Variants in METTL15 observed in about 807,000 individuals in gnomAD.
The protein encoded by METTL15 is methyltransferase 15, mitochondrial 12S rRNA N4-cytidine, also known as 12S rRNA N(4)-cytidine methyltransferase METTL15.
METTL15 carries 34 observed loss-of-function variants against 38.3 expected under a neutral mutation model. The ratio of observed to expected loss-of-function variants is 0.89; its 90% CI spans 0.68 to 1.18. METTL15 has a LOEUF of 1.18. Among genes scored for constraint, METTL15 ranks in the 50% most tolerant of loss-of-function variants. The pLI, the probability that METTL15 is intolerant of heterozygous loss-of-function variation, is 0.00. For synonymous variants in METTL15, 162 were observed against 170.9 expected (o/e 0.95, Z 0.41); for missense variants, 438 against 498.4 (o/e 0.88, Z 1.15).
intron 3 of METTL15, among the ~76,000 whole-genome samples, chr11:28,188,398 T>C (rs1258786861): frequency 2.6e-5 from 4 of 151,356 alleles, no homozygotes; most frequent in African/African-American, 9.7e-5. Flanking sequence ...TTTAAGAATG[T>C]AAAATGTCAA....
chr11:28,124,673 A>C (rs558570500), intron 3 of METTL15, among the ~76,000 whole-genome samples: 1 of 152,220 alleles, frequency 6.6e-6, no homozygotes, highest in South Asian at 2.1e-4. Flanking sequence ...AAAGGAAAGC[A>C]AAAACTCCAT....
chr11:28,209,897 C>G (rs1235622723), intron 3 of METTL15, among the ~76,000 whole-genome samples: 1 of 151,984 alleles, frequency 6.6e-6, no homozygotes, highest in Non-Finnish European at 1.5e-5. Context: ...ATTTTTAAAT[C>G]TAGCCAGTAG....
chr11:28,360,206 T>C (rs1373868950), intron 4 of METTL15, among the ~76,000 whole-genome samples: 1 of 152,206 alleles, frequency 6.6e-6, no homozygotes, highest in Non-Finnish European at 1.5e-5. Flanking sequence ...CACTTGCCAT[T>C]TGCCTTCTCT....
At chr11:28,202,246 C>A (rs1590149333) in intron 3 of METTL15, among the ~76,000 whole-genome samples, 2 of 151,940 alleles carry the variant, frequency 1.3e-5, no homozygotes, top group Admixed American at 1.3e-4. Flanking sequence ...ATGGTAAAAT[C>A]AACAGGATTT....
intron 3 of METTL15, chr11:28,125,434 A>G (rs776863033): frequency 6.6e-6 from 1 of 152,052 alleles, no homozygotes; most frequent in Non-Finnish European, 1.5e-5. Flanking sequence ...ATGATATTAT[A>G]TCTGAGTTCT....
At position 28,332,307 on chromosome 11, in the gene METTL15, A is replaced by G. The variant is rs1431827405; in HGVS notation, c.*1466A>G. The G allele has an allele frequency of 6.6e-6, 1 of 152,192 alleles. No individual in the cohort carries two copies. Among genetic ancestry groups the G allele is most frequent in the Non-Finnish European group, 1.5e-5 (1 of 68,032 alleles). 9.4% of individuals were successfully genotyped at this position (152,192 alleles called of 1,614,324 possible). On this transcript the variant is annotated 3_prime_UTR_variant, in exon 7 of 7. Transcript: ENST00000407364. ...TTAATTCCCTGAATCCTACTTGAAC[A>G]TTGTATAAATTTCTCTTTGCATATA... is the stretch of plus-strand genomic sequence containing the variant.
At chr11:28,445,824 T>TAC (rs1172813120) in intron 6 of METTL15, among the ~76,000 whole-genome samples, 1 of 151,948 alleles carries the variant, frequency 6.6e-6, no homozygotes, top group Non-Finnish European at 1.5e-5. Flanking sequence ...GCTAATTTTT[T>TAC]ATATTTTTTG....
chr11:28,506,966 A>C (rs1477275754), intron 6 of METTL15, among the ~76,000 whole-genome samples: 4 of 151,910 alleles, frequency 2.6e-5, no homozygotes, highest in Non-Finnish European at 5.9e-5. Flanking sequence ...GCTGGTCTCA[A>C]ACTCCTGACC....
chr11:28,470,720 C>T (rs1851296792), intron 6 of METTL15, among the ~76,000 whole-genome samples: 1 of 152,084 alleles, frequency 6.6e-6, no homozygotes, highest in Non-Finnish European at 1.5e-5. Flanking sequence ...AATGTAAGCA[C>T]TCCCGTTTAA....
chr11:28,189,177 G>A (rs1488415187), intron 3 of METTL15, among the ~76,000 whole-genome samples: 1 of 151,244 alleles, frequency 6.6e-6, no homozygotes, highest in Non-Finnish European at 1.5e-5. Context: ...ATTAAATAGT[G>A]TTAATTCACA....
chr11:28,325,562 T>G lies in METTL15; in HGVS notation c.779-4834T>G, dbSNP rs1590326586. 3.9e-5 allele frequency among the ~76,000 whole-genome samples: 6 copies of G among 152,368 alleles called. No individual in the cohort carries two copies. The South Asian group carries it at 1.2e-3, about 32-fold the overall frequency. ...ATTCATTCATCCATTTTTTTTCATT[T>G]ATCTATTCATTATCTTTTCAACAAA... On this transcript the variant is annotated intron_variant, in intron 6 of 6. Transcript: ENST00000407364.
At chr11:28,206,379 T>G (rs1358405371) in intron 3 of METTL15, among the ~76,000 whole-genome samples, 13 of 152,076 alleles carry the variant, frequency 8.5e-5, no homozygotes, top group Non-Finnish European at 1.2e-4. Flanking sequence ...TTTCCCCATT[T>G]CTTGTTTTTG....
intron 5 of METTL15, among the ~76,000 whole-genome samples, chr11:28,294,894 A>G (rs748380670): frequency 2.0e-5 from 3 of 152,120 alleles, no homozygotes; most frequent in Non-Finnish European, 4.4e-5. Flanking sequence ...ATACTTTTTA[A>G]TTTTCTTATT....
chr11:28,393,313 G>T (rs1850531275), intron 5 of METTL15, among the ~76,000 whole-genome samples: 1 of 151,774 alleles, frequency 6.6e-6, no homozygotes, highest in African/African-American at 2.4e-5. Flanking sequence ...AAGAAAATGT[G>T]GTATATACAT....
chr11:28,463,774 T>C (rs1017400738), intron 6 of METTL15, among the ~76,000 whole-genome samples: 11 of 148,104 alleles, frequency 7.4e-5, no homozygotes, highest in African/African-American at 2.2e-4. Flanking sequence ...TGTGGGTTAC[T>C]AAACTCCACA....
rs779911578 is a variant in METTL15 at position 28,139,901 on chromosome 11, A to G, written c.270+26297A>G. On this transcript the variant is annotated intron_variant, in intron 3 of 6. Transcript: ENST00000407364. ...AGCTCTATGCAAATGGGTTCCTCCA[A>G]CAGGGAGAGAAACTCTTAATCATTG... is the stretch of plus-strand genomic sequence containing the variant. 2.6e-5 allele frequency among the ~76,000 whole-genome samples: 4 copies of G among 152,366 alleles called. No homozygotes were observed. The South Asian group carries it at 6.2e-4, about 24-fold the overall frequency.
intron 6 of METTL15, among the ~76,000 whole-genome samples, chr11:28,478,760 T>C (rs1054129322): frequency 4.6e-5 from 7 of 152,196 alleles, no homozygotes; most frequent in African/African-American, 1.7e-4. Flanking sequence ...AAGATCAATA[T>C]GCTATTATTG....
chr11:28,274,988 G>A (rs1334101657), intron 4 of METTL15, among the ~76,000 whole-genome samples: 1 of 151,180 alleles, frequency 6.6e-6, no homozygotes, highest in Admixed American at 6.6e-5. Context: ...AAAAAGGGAA[G>A]TTTATAGTAA....
At chr11:28,500,920 A>G (rs1229672018) in intron 6 of METTL15, among the ~76,000 whole-genome samples, 1 of 152,256 alleles carries the variant, frequency 6.6e-6, no homozygotes, top group African/African-American at 2.4e-5. Context: ...TTCAGCAGGA[A>G]TGAAAAGAAA....
Sources: allele counts gnomAD v4.1 joint callset (sites outside exome capture counted in the v4.1 genomes callset), GRCh38; gene constraint gnomAD v4.1.1; transcripts MANE v1.5; gene names NCBI Gene and HGNC (gene_info 2026-07-23, HGNC 2026-07-21).